PLXNA4: variants seen among roughly 807,000 people sequenced by gnomAD.
The protein encoded by PLXNA4 is plexin A4, also known as plexin-A4.
In PLXNA4, 44 loss-of-function variants were observed where a neutral mutation model predicts 191.8. That is an observed-to-expected ratio of 0.23 (90% confidence interval 0.18 to 0.29). The LOEUF is 0.29. PLXNA4 is among the 10% of genes least tolerant of loss of function. The pLI is 1.00. For missense variants in PLXNA4, 1,800 were observed against 2,488.8 expected (o/e 0.72, Z 5.89); for synonymous variants, 1,082 against 1,009.5 (o/e 1.07, Z -1.36).
At chr7:132,594,612 C>G (rs1457953660) in intron 2 of PLXNA4, among the ~76,000 whole-genome samples, 1 of 152,174 alleles carries the variant, frequency 6.6e-6, no homozygotes, top group Non-Finnish European at 1.5e-5. Flanking sequence ...CTTTGAAAAC[C>G]ATGGTGTGAT....
rs373362239 is a variant in PLXNA4 at position 132,298,936 on chromosome 7, G to T, written c.1372-714C>A. ...CCATCCATAAGTCCTTCCTAGAAAT[G>T]CTGGGACAGCATAGAGACAATGGAA... On this transcript the variant is annotated intron_variant, in intron 3 of 31. Coordinates refer to ENST00000321063, the MANE Select transcript of PLXNA4 (RefSeq NM_020911.2). 3.5e-4 allele frequency among the ~76,000 whole-genome samples: 53 copies of T among 152,358 alleles called. No individual in the cohort carries two copies. In the South Asian group the frequency reaches 0.01, roughly 29 times the overall value.
intron 2 of PLXNA4, among the ~76,000 whole-genome samples, chr7:132,499,348 T>C (rs1305107994): frequency 6.6e-6 from 1 of 152,240 alleles, no homozygotes; most frequent in Admixed American, 6.5e-5. Flanking sequence ...GCAGATGGCA[T>C]TATCCCTGGG....
chr7:132,570,547 G>A (rs1801933128), intron 1 of PLXNA4, among the ~76,000 whole-genome samples: 1 of 152,216 alleles, frequency 6.6e-6, no homozygotes, highest in South Asian at 2.1e-4. Context: ...GAGTATGTCA[G>A]ATAAGGAACT....
intron 10 of PLXNA4, among the ~76,000 whole-genome samples, chr7:132,205,059 C>T (rs930687): frequency 0.77 from 116,843 of 152,186 alleles, 45,952 homozygotes; most frequent in African/African-American, 0.94. Context: ...CAATGGCACC[C>T]GGGCCAAGGC....
rs545329194 is a variant in PLXNA4 at position 132,541,136 on chromosome 7, C to T, written c.-86-32357G>A. 1.5e-4 allele frequency among the ~76,000 whole-genome samples: 23 copies of T among 152,346 alleles called. No homozygotes were observed. The South Asian group carries it at 4.3e-3, about 29-fold the overall frequency. On this transcript the variant is annotated intron_variant, in intron 1 of 31. Transcript: ENST00000321063. ...AGCACACAAAAGCATGCACGATTCA[C>T]AGGTTTCCCGAAGCACTGGATGAAA...
intron 6 of PLXNA4, 35 bp from the exon 7 acceptor site, chr7:132,227,639 G>A (rs1798374399): frequency 1.9e-6 from 3 of 1,613,602 alleles, no homozygotes; most frequent in Non-Finnish European, 2.5e-6. Context: ...AGAAGGAGGA[G>A]GGTGAAATGG....
chr7:132,630,279 A>T (rs1803469007), intron 2 of PLXNA4, among the ~76,000 whole-genome samples: 1 of 152,236 alleles, frequency 6.6e-6, no homozygotes, highest in East Asian at 1.9e-4. Context: ...GGGCTTCAAC[A>T]TATGAGTTTG....
chr7:132,428,231 C>G (rs1455003781), intron 3 of PLXNA4, among the ~76,000 whole-genome samples: 2 of 152,122 alleles, frequency 1.3e-5, no homozygotes, highest in Non-Finnish European at 2.9e-5. Context: ...GGCTCTGGCC[C>G]AAAGAGCCAG....
At chr7:132,380,152 C>T (rs571040313) in intron 3 of PLXNA4, among the ~76,000 whole-genome samples, 7 of 152,256 alleles carry the variant, frequency 4.6e-5, no homozygotes, top group Middle Eastern at 6.8e-3. Context: ...TTGGGGCTTC[C>T]GGGAACTACA....
intron 1 of PLXNA4, among the ~76,000 whole-genome samples, chr7:132,543,886 A>C (rs2116520869): frequency 6.6e-6 from 1 of 152,340 alleles, no homozygotes; most frequent in African/African-American, 2.4e-5. Context: ...TCAGAGAAGA[A>C]GGCAAACTAT....
In PLXNA4 at chr7:132,485,273, C is replaced by T. The variant is rs73158851; in HGVS notation, c.1371+4019G>A. Among the ~76,000 whole-genome samples, 40 of 152,286 alleles carry T rather than the reference C, an allele frequency of 2.6e-4. No homozygotes were observed. The South Asian group carries it at 5.0e-3, about 19-fold the overall frequency. On this transcript the variant is annotated intron_variant, in intron 3 of 31. Transcript: ENST00000321063. ...TTCCGCTTAACCAACATCCATACAG[C>T]GCTCCACCCCCTTAGGTGTGAACAG... is the stretch of plus-strand genomic sequence containing the variant.
At chr7:132,545,456 T>G (rs1160321875) in intron 1 of PLXNA4, among the ~76,000 whole-genome samples, 1 of 152,196 alleles carries the variant, frequency 6.6e-6, no homozygotes, top group Non-Finnish European at 1.5e-5. Flanking sequence ...AAATACTTGT[T>G]GAATTGTTGA....
In PLXNA4 at chr7:132,159,598, C is replaced by T. The variant is rs1456942715; in HGVS notation, c.4535G>A (p.Ser1512Asn). 6.2e-7 allele frequency: 1 copy of T among 1,614,066 alleles called. No individual in the cohort carries two copies. Residue 1512 changes from serine (S) to asparagine (N), a missense_variant, in exon 25 of 32, where the codon AGC becomes AAC. This residue lies in a region of PLXNA4 where 214 missense variants were observed against 298.2 expected (regional missense o/e 0.72). Coordinates refer to ENST00000321063, the MANE Select transcript of PLXNA4 (RefSeq NM_020911.2). ...GAGGATCTTTACTGGGACCTCGGGG[C>T]TGTTGGCATTGTCTGGGCTGACACA... ...LSCVSPDNAN[S>N]PEVPVKILNC... is the part of the protein sequence containing the mutation.
intron 3 of PLXNA4, among the ~76,000 whole-genome samples, chr7:132,347,174 A>G (rs1803275475): frequency 1.3e-5 from 2 of 152,224 alleles, no homozygotes; most frequent in Non-Finnish European, 2.9e-5. Context: ...TGGATTAAAT[A>G]GCATCAAAGC....
intron 30 of PLXNA4, among the ~76,000 whole-genome samples, chr7:132,135,453 GC>G (rs746557250): frequency 2.0e-5 from 3 of 152,192 alleles, no homozygotes; most frequent in Non-Finnish European, 4.4e-5. Flanking sequence ...GCTCTGTCAG[GC>G]TTTTTGCAAA....
In PLXNA4 at chr7:132,140,831, A is replaced by AGAT. The variant is rs1206177680; in HGVS notation, c.5226-23_5226-21dup. 4.3e-6 allele frequency: 7 copies of AGAT among 1,613,320 alleles called. No individual in the cohort carries two copies. The highest frequency in any genetic ancestry group is 5.1e-6 in the Non-Finnish European group (6 of 1,179,620). On this transcript the variant is annotated intron_variant, in intron 29 of 31. Transcript: ENST00000321063. ...GGCAGGCTGCGTGGAAGGAAGAGGC[A>AGAT]GATGGTCAGGAAAGACGGGGCAGTG...
intron 3 of PLXNA4, among the ~76,000 whole-genome samples, chr7:132,305,406 A>ACACACACACACACC (rs1491312866): frequency 7.1e-6 from 1 of 140,074 alleles, no homozygotes; most frequent in African/African-American, 2.7e-5. Context: ...ACACACACAC[A>ACACACACACACACC]CTCTACTCTG....
intron 3 of PLXNA4, among the ~76,000 whole-genome samples, chr7:132,336,864 C>G (rs115200070): frequency 0.012 from 1,891 of 152,340 alleles, 38 homozygotes; most frequent in African/African-American, 0.042. Flanking sequence ...AGCAGCCAAG[C>G]CTCTGCTGAC....
At chr7:132,273,077 T>C (rs770486088) in intron 4 of PLXNA4, among the ~76,000 whole-genome samples, 2 of 152,288 alleles carry the variant, frequency 1.3e-5, no homozygotes, top group Non-Finnish European at 2.9e-5. Context: ...GTTTGACAAA[T>C]GAATAATTGA....
Sources: gnomAD v4.1 joint callset for allele counts (sites outside exome capture counted in the v4.1 genomes callset) on GRCh38, gnomAD v4.1.1 for gene constraint, gnomAD v4.1.1 regional missense constraint, MANE v1.5 for transcripts, NCBI Gene and HGNC (gene_info 2026-07-23, HGNC 2026-07-21) for gene names.